Variants in RASSF3 observed in about 807,000 individuals in gnomAD.
RASSF3 encodes the protein ras association domain-containing protein 3.
In RASSF3, 19 loss-of-function variants were observed where a neutral mutation model predicts 19.9. The ratio of observed to expected loss-of-function variants is 0.96; its 90% CI spans 0.67 to 1.40. The LOEUF is 1.40. RASSF3 is among the 40% of genes most tolerant of loss of function. The probability of loss-of-function intolerance (pLI) is 0.00; values close to 1 mark genes in which losing one functional copy is unlikely to be tolerated. For synonymous variants in RASSF3, 110 were observed against 104.2 expected, an observed-to-expected ratio of 1.06 and a Z score of -0.34; for missense variants, 306 against 289.8, an observed-to-expected ratio of 1.06 and a Z score of -0.41.
chr12:64,684,602 C>G (rs544452757), intron 1 of RASSF3, among the ~76,000 whole-genome samples, 185 bp from the exon 2 acceptor site: 6 of 151,692 alleles, frequency 4.0e-5, no homozygotes, highest in African/African-American at 1.5e-4. Flanking sequence ...CAGCTAATTT[C>G]GTAATTTTAG....
Position 64,689,392 on chromosome 12 carries a change from T to C in RASSF3, c.457+939T>C, listed in dbSNP as rs534163730. 2.0e-5 allele frequency among the ~76,000 whole-genome samples: 3 copies of C among 152,294 alleles called. No homozygotes were observed. The East Asian group carries it at 5.8e-4, about 29-fold the overall frequency. ...CTCATTGCTGAGTATGCATACATCT[T>C]TTTAAAAACAAACCATGGGGCTAGA... is the stretch of plus-strand genomic sequence containing the variant. On this transcript the variant is annotated intron_variant, in intron 3 of 4. Transcript: ENST00000542104.
At chr12:64,668,574 C>T (rs1209411419) in intron 1 of RASSF3, among the ~76,000 whole-genome samples, 3 of 151,384 alleles carry the variant, frequency 2.0e-5, no homozygotes, top group South Asian at 4.2e-4. Flanking sequence ...TGTCCAGCCT[C>T]GTTGTTCTTT....
In RASSF3 at chr12:64,649,451, G is replaced by A. The variant is rs137934248; in HGVS notation, c.112-35336G>A. Among the ~76,000 whole-genome samples the A allele has an allele frequency of 6.3e-3, 952 of 152,164 alleles. 14 individuals carry two copies. Among genetic ancestry groups the A allele is most frequent in the African/African-American group, 0.022 (894 of 41,506 alleles). On this transcript the variant is annotated intron_variant, in intron 1 of 4. Transcript: ENST00000542104. The stretch of plus-strand genomic sequence containing the variant: ...TTGTGATCCGTCTGCCTTGGCCTCC[G>A]AAAGTGTTGGGATTACAGGCATGAG...
Position 64,634,665 on chromosome 12 carries a change from G to A in RASSF3, c.111+23922G>A, listed in dbSNP as rs147390936. On this transcript the variant is annotated intron_variant, in intron 1 of 4. Transcript: ENST00000542104. ...ATTCTCGGCTACTCCGGAGGCTGAA[G>A]CATGAGAATCGCTTGAATTTGGCAG... Among the ~76,000 whole-genome samples the A allele has an allele frequency of 9.5e-3, 1,431 of 149,902 alleles. 25 individuals are homozygous for A. The highest frequency in any genetic ancestry group is 0.034 in the African/African-American group (1,372 of 40,800).
intron 1 of RASSF3, among the ~76,000 whole-genome samples, chr12:64,677,352 C>T (rs1872944791): frequency 6.6e-6 from 1 of 152,180 alleles, no homozygotes. Flanking sequence ...TTTGAGAAAA[C>T]GTTCTGGGCT....
chr12:64,594,621 C>T (rs1406455825), intron 2 of RASSF3, among the ~76,000 whole-genome samples: 1 of 152,028 alleles, frequency 6.6e-6, no homozygotes, highest in East Asian at 1.9e-4. Context: ...TCAAAATATA[C>T]CACTCCAAAA....
chr12:64,544,400 A>G (rs888341973), downstream of RASSF3, among the ~76,000 whole-genome samples: 1 of 152,206 alleles, frequency 6.6e-6, no homozygotes, highest in African/African-American at 2.4e-5. Context: ...GCTGCTTTCA[A>G]GAACTGTAAT....
chr12:64,611,933 T>G (rs1870380702), intron 1 of RASSF3, among the ~76,000 whole-genome samples: 1 of 152,192 alleles, frequency 6.6e-6, no homozygotes, highest in African/African-American at 2.4e-5. Context: ...CGGTGAAGGG[T>G]AAGCTGAAGT....
intron 1 of RASSF3, among the ~76,000 whole-genome samples, chr12:64,648,547 T>G (rs1369239902): frequency 2.0e-5 from 3 of 151,312 alleles, no homozygotes; most frequent in Admixed American, 6.6e-5. Context: ...ATGGAGCACG[T>G]TCCTGGCTCA....
chr12:64,614,699 C>CTTTT (rs11334564), intron 1 of RASSF3, among the ~76,000 whole-genome samples: 5 of 129,456 alleles, frequency 3.9e-5, no homozygotes, highest in East Asian at 2.2e-4. Context: ...CTTTTCTTTT[C>CTTTT]TTTTTTTTTT....
chr12:64,681,872 G>T (rs1431241211), intron 1 of RASSF3, among the ~76,000 whole-genome samples: 1 of 152,164 alleles, frequency 6.6e-6, no homozygotes, highest in Non-Finnish European at 1.5e-5. Flanking sequence ...AGGCGCAGTG[G>T]TGCTTGTCTG....
At chr12:64,645,775 T>C (rs1057001119) in intron 1 of RASSF3, among the ~76,000 whole-genome samples, 1 of 152,218 alleles carries the variant, frequency 6.6e-6, no homozygotes, top group African/African-American at 2.4e-5. Flanking sequence ...TACAATAAAA[T>C]GCACAAATCT....
intron 1 of RASSF3, among the ~76,000 whole-genome samples, chr12:64,511,971 T>C (rs1592383919): frequency 6.6e-6 from 1 of 152,284 alleles, no homozygotes; most frequent in South Asian, 2.1e-4. Flanking sequence ...GAAAGTCTAT[T>C]GCTTCTTGTA....
chr12:64,611,921 G>A (rs546375228), intron 1 of RASSF3, among the ~76,000 whole-genome samples: 1 of 152,276 alleles, frequency 6.6e-6, no homozygotes, highest in East Asian at 1.9e-4. Context: ...GAGGAGAGGA[G>A]ACGGTGAAGG....
chr12:64,672,565 C>CTGGGCAA (rs1872735087), intron 1 of RASSF3, among the ~76,000 whole-genome samples: 2 of 152,028 alleles, frequency 1.3e-5, no homozygotes, highest in Non-Finnish European at 2.9e-5. Flanking sequence ...GCTCTGTTGC[C>CTGGGCAA]CAGGCTGAGT....
chr12:64,554,120 A>G (rs1335013910), intron 2 of RASSF3, among the ~76,000 whole-genome samples: 2 of 152,166 alleles, frequency 1.3e-5, no homozygotes, highest in Admixed American at 6.5e-5. Flanking sequence ...AACAGAACAC[A>G]TTCTTCTCTT....
intron 2 of RASSF3, chr12:64,575,811 G>A (rs185945806): frequency 3.3e-5 from 5 of 150,166 alleles, no homozygotes; most frequent in South Asian, 2.1e-4. Flanking sequence ...GTCAATATTC[G>A]ATTGTGAATT....
At chr12:64,565,350 G>A (rs1048476453) in intron 2 of RASSF3, among the ~76,000 whole-genome samples, 13 of 151,938 alleles carry the variant, frequency 8.6e-5, no homozygotes, top group Non-Finnish European at 1.6e-4. Context: ...GCTGAGGCGG[G>A]TGTATCACCT....
At chr12:64,630,571 C>T (rs941636793) in intron 1 of RASSF3, among the ~76,000 whole-genome samples, 1 of 152,086 alleles carries the variant, frequency 6.6e-6, no homozygotes, top group Non-Finnish European at 1.5e-5. Context: ...AAATCCTGAA[C>T]TGTTCTTTTT....
Sources: gnomAD v4.1 joint callset for allele counts (sites outside exome capture counted in the v4.1 genomes callset) on GRCh38, gnomAD v4.1.1 for gene constraint, MANE v1.5 for transcripts, NCBI Gene and HGNC (gene_info 2026-07-23, HGNC 2026-07-21) for gene names.